Variants in EGFR observed in about 807,000 individuals in gnomAD.
EGFR encodes epidermal growth factor receptor.
In EGFR, 58 loss-of-function variants were observed where a neutral mutation model predicts 143.0. The observed-to-expected ratio is 0.41, with a 90% CI of 0.33 to 0.50. EGFR has a LOEUF of 0.50. Among genes scored for constraint, EGFR ranks in the 20% least tolerant of loss-of-function variants. The pLI is 0.39. For missense variants in EGFR, 1,307 were observed against 1,579.0 expected (o/e 0.83, Z 2.92); for synonymous variants, 613 against 594.4 (o/e 1.03, Z -0.45).
intron 24 of EGFR, 106 bp downstream of exon 24, chr7:55,200,519 G>C (rs575054535): frequency 1.4e-4 from 166 of 1,157,918 alleles, no homozygotes; most frequent in Middle Eastern, 9.6e-4. Context: ...GTCCCAGATC[G>C]CATTATTAAA....
intron 1 of EGFR, among the ~76,000 whole-genome samples, chr7:55,057,919 T>G (rs1788925610): frequency 6.6e-6 from 1 of 152,234 alleles, no homozygotes; most frequent in Admixed American, 6.5e-5. Context: ...ACGTGCTCTT[T>G]TTAAATGGTT....
At chr7:55,051,038 C>T (rs961854048) in intron 1 of EGFR, among the ~76,000 whole-genome samples, 1 of 152,304 alleles carries the variant, frequency 6.6e-6, no homozygotes, top group Non-Finnish European at 1.5e-5. Context: ...AGCATCCATT[C>T]ATTCTGGGAA....
chr7:55,114,870 TG>T (rs1222665113), intron 1 of EGFR, among the ~76,000 whole-genome samples: 2 of 150,756 alleles, frequency 1.3e-5, no homozygotes, highest in Admixed American at 1.3e-4. Flanking sequence ...AACTTGTATT[TG>T]TATTATTCTT....
intron 26 of EGFR, among the ~76,000 whole-genome samples, 189 bp downstream of exon 26, chr7:55,201,971 G>A (rs141525397): frequency 0.011 from 356 of 32,430 alleles, 4 homozygotes; most frequent in African/African-American, 0.045. Context: ...ACCAGTAGTA[G>A]CATCGCCTGG....
At chr7:55,203,685 C>G (rs1787974409) in intron 27 of EGFR, among the ~76,000 whole-genome samples, 2 of 149,046 alleles carry the variant, frequency 1.3e-5, no homozygotes, top group African/African-American at 2.5e-5. Context: ...ACACCACACA[C>G]ACCACACATA....
intron 1 of EGFR, among the ~76,000 whole-genome samples, chr7:55,108,306 C>G (rs1792258891): frequency 6.6e-6 from 1 of 152,360 alleles, no homozygotes; most frequent in African/African-American, 2.4e-5. Flanking sequence ...TGTCCATGTT[C>G]ACGCACAGGG....
intron 3 of EGFR, among the ~76,000 whole-genome samples, chr7:55,146,007 C>T (rs764301724): frequency 7.9e-5 from 12 of 152,200 alleles, no homozygotes; most frequent in Non-Finnish European, 1.8e-4. Context: ...TCATCCCTGA[C>T]TTTTCCACAT....
chr7:55,191,541 G>A (rs554552047), intron 20 of EGFR, among the ~76,000 whole-genome samples, 178 bp from the exon 21 acceptor site: 2 of 152,148 alleles, frequency 1.3e-5, no homozygotes, highest in East Asian at 3.9e-4. Flanking sequence ...TCAGCAGCGG[G>A]TTACATCTTC....
At chr7:55,137,193 A>G (rs1273066254) in intron 1 of EGFR, among the ~76,000 whole-genome samples, 1 of 152,212 alleles carries the variant, frequency 6.6e-6, no homozygotes, top group African/African-American at 2.4e-5. Context: ...CAAAGGAAGC[A>G]AAGATGCGAA....
At chr7:55,132,518 A>AT (rs1562743501) in intron 1 of EGFR, among the ~76,000 whole-genome samples, 1 of 152,226 alleles carries the variant, frequency 6.6e-6, no homozygotes, top group Non-Finnish European at 1.5e-5. Context: ...GGGACTATGT[A>AT]TTTTACGTAT....
intron 23 of EGFR, 65 bp downstream of exon 23, chr7:55,198,928 AGCTGAGGCCTTT>A: frequency 6.2e-7 from 1 of 1,601,936 alleles, no homozygotes; most frequent in Non-Finnish European, 8.5e-7. Flanking sequence ...TTAGCCAAAC[AGCTGAGGCCTTT>A]GCATCCCTGG....
intron 1 of EGFR, among the ~76,000 whole-genome samples, chr7:55,034,269 T>C (rs1787430289): frequency 6.6e-6 from 1 of 152,206 alleles, no homozygotes; most frequent in Admixed American, 6.5e-5. Flanking sequence ...AGTCTCACTT[T>C]TTTCCCCAGG....
At chr7:55,129,788 T>C (rs1346433527) in intron 1 of EGFR, among the ~76,000 whole-genome samples, 1 of 152,144 alleles carries the variant, frequency 6.6e-6, no homozygotes, top group African/African-American at 2.4e-5. Flanking sequence ...CTTTTGGAGT[T>C]TGGCCTTGGG....
intron 20 of EGFR, among the ~76,000 whole-genome samples, chr7:55,187,207 G>T (rs1787176709): frequency 6.6e-6 from 1 of 152,190 alleles, no homozygotes; most frequent in Non-Finnish European, 1.5e-5. Flanking sequence ...CCAAATTCAA[G>T]GTCGCTGCAA....
chr7:55,200,621 C>G (rs1437154757), intron 24 of EGFR: 5 of 632,100 alleles, frequency 7.9e-6, no homozygotes, highest in African/African-American at 7.2e-5. Flanking sequence ...AACTCCATCT[C>G]CCCCTCCCCG....
At chr7:55,134,147 C>T (rs1272193352) in intron 1 of EGFR, among the ~76,000 whole-genome samples, 2 of 152,170 alleles carry the variant, frequency 1.3e-5, no homozygotes, top group African/African-American at 4.8e-5. Context: ...GCAAGGCCCA[C>T]CCCAGCCACA....
In EGFR at chr7:55,156,645, G is replaced by A. The variant is rs2302536; in HGVS notation, c.1119G>A (p.Pro373=). Residue 373 remains proline, a synonymous_variant, in exon 9 of 28, where the codon CCG becomes CCA. Coordinates refer to ENST00000275493, the MANE Select transcript of EGFR (RefSeq NM_005228.5). ...TSISGDLHIL[P]VAFRGDSFTH... ...TCAGTGGCGATCTCCACATCCTGCC[G>A]GTGGCATTTAGGGGGTGAGTCACAG... The A allele has an allele frequency of 9.7e-4, 1,569 of 1,614,192 alleles. 14 individuals carry two copies. The Admixed American group carries it at 0.011, about 11-fold the overall frequency.
At chr7:55,075,695 G>C (rs773750155) in intron 1 of EGFR, among the ~76,000 whole-genome samples, 1 of 152,190 alleles carries the variant, frequency 6.6e-6, no homozygotes, top group Non-Finnish European at 1.5e-5. Context: ...AGAGCCCTCA[G>C]AGGCCATCAC....
chr7:55,055,628 A>G lies in EGFR; in HGVS notation c.88+36263A>G, dbSNP rs17335857. The stretch of plus-strand genomic sequence containing the variant: ...ATATGAGATGTGAGTCCTTCTACGA[A>G]CTGACTCACACTGATTGCCCAACTT... On this transcript the variant is annotated intron_variant, in intron 1 of 27. Coordinates refer to ENST00000275493, the MANE Select transcript of EGFR (RefSeq NM_005228.5). Among the ~76,000 whole-genome samples the G allele has an allele frequency of 7.1e-3, 1,084 of 151,968 alleles. 9 individuals carry two copies. The highest frequency in any genetic ancestry group is 0.031 in the Middle Eastern group (9 of 294).
Sources: gnomAD v4.1 joint callset for allele counts (sites outside exome capture counted in the v4.1 genomes callset) on GRCh38, gnomAD v4.1.1 for gene constraint, MANE v1.5 for transcripts, NCBI Gene and HGNC (gene_info 2026-07-23, HGNC 2026-07-21) for gene names.